Variants in ALK observed in about 807,000 individuals in gnomAD.
ALK encodes ALK tyrosine kinase receptor.
Under a neutral mutation model 163.1 loss-of-function variants are expected in ALK, and 74 were observed. The observed-to-expected ratio is 0.45, with a 90% CI of 0.38 to 0.55. The LOEUF (loss-of-function observed/expected upper bound fraction) is 0.55, where lower values mean the gene tolerates loss of function less well. Ranked by LOEUF, ALK falls within the 20% of genes least tolerant of loss-of-function variation. The probability of loss-of-function intolerance (pLI) is 0.00; values close to 1 mark genes in which losing one functional copy is unlikely to be tolerated. For synonymous variants in ALK, 960 were observed against 843.2 expected (o/e 1.14, Z -2.40); for missense variants, 2,063 against 2,105.3 (o/e 0.98, Z 0.39).
At chr2:29,888,334 C>A (rs564276656) in intron 1 of ALK, among the ~76,000 whole-genome samples, 2 of 148,394 alleles carry the variant, frequency 1.3e-5, no homozygotes, top group African/African-American at 5.0e-5. Flanking sequence ...TACTTGCTTA[C>A]TTAAGGAATG....
At chr2:29,583,034 T>TGTTTTTC (rs1491121115) in intron 3 of ALK, among the ~76,000 whole-genome samples, 10 of 94,060 alleles carry the variant, frequency 1.1e-4, no homozygotes, top group African/African-American at 3.9e-4. Flanking sequence ...GGCTAACTTT[T>TGTTTTTC]GTTTTTTGTT....
At chr2:29,233,875 C>T (rs796675253) in intron 13 of ALK, among the ~76,000 whole-genome samples, 179 bp from the exon 14 acceptor site, 3 of 152,246 alleles carry the variant, frequency 2.0e-5, no homozygotes, top group African/African-American at 7.2e-5. Context: ...AGGGAAGGAC[C>T]ACAAGGATAG....
At chr2:29,203,487 T>TTTTTTC (rs1669234144) in intron 26 of ALK, among the ~76,000 whole-genome samples, 1 of 62,166 alleles carries the variant, frequency 1.6e-5, no homozygotes, top group African/African-American at 5.7e-5. Flanking sequence ...GGATGTGCCT[T>TTTTTTC]TTTTTTTTTT....
At chr2:29,778,189 A>G (rs1185022536) in intron 1 of ALK, among the ~76,000 whole-genome samples, 1 of 152,184 alleles carries the variant, frequency 6.6e-6, no homozygotes, top group African/African-American at 2.4e-5. Flanking sequence ...AGGAAACACA[A>G]AGGCATTAGG....
intron 4 of ALK, among the ~76,000 whole-genome samples, chr2:29,397,203 G>A (rs1034864164): frequency 3.3e-5 from 5 of 152,076 alleles, no homozygotes; most frequent in African/African-American, 1.2e-4. Context: ...TCATTAGGGT[G>A]GGCACCCATC....
chr2:29,237,290 T>C (rs1485093299), intron 13 of ALK, among the ~76,000 whole-genome samples: 2 of 152,250 alleles, frequency 1.3e-5, no homozygotes, highest in South Asian at 2.1e-4. Context: ...GATTCTTCTA[T>C]GGTAGATTCT....
intron 1 of ALK, among the ~76,000 whole-genome samples, chr2:29,797,004 AC>A (rs1664332365): frequency 4.1e-5 from 6 of 145,560 alleles, no homozygotes; most frequent in African/African-American, 1.5e-4. Context: ...GCACACCCAC[AC>A]ACACACACAC....
chr2:29,657,987 C>G (rs1289541382), intron 3 of ALK, among the ~76,000 whole-genome samples: 1 of 152,062 alleles, frequency 6.6e-6, no homozygotes, highest in East Asian at 1.9e-4. Context: ...AACTGAACAG[C>G]TGGAGGGATG....
Position 29,537,728 on chromosome 2 carries a change from C to T in ALK, c.953-5612G>A, listed in dbSNP as rs144493899. On this transcript the variant is annotated intron_variant, in intron 3 of 28. Coordinates refer to ENST00000389048, the MANE Select transcript of ALK (RefSeq NM_004304.5). ...GCAGCTAGACACTGGCAGCTTGAAG[C>T]CTCAGCATGGAAAAGCTGCAGACAC... 3.2e-3 allele frequency among the ~76,000 whole-genome samples: 480 copies of T among 152,342 alleles called. 2 individuals carry two copies. Among genetic ancestry groups the T allele is most frequent in the African/African-American group, 0.011 (442 of 41,582 alleles).
At chr2:29,333,436 C>CA (rs1667512098) in intron 5 of ALK, among the ~76,000 whole-genome samples, 1 of 152,038 alleles carries the variant, frequency 6.6e-6, no homozygotes, top group African/African-American at 2.4e-5. Context: ...ACATTACTAG[C>CA]TTTTTTTTCT....
chr2:29,281,176 G>A (rs892283192), intron 9 of ALK, among the ~76,000 whole-genome samples: 1 of 152,208 alleles, frequency 6.6e-6, no homozygotes, highest in African/African-American at 2.4e-5. Flanking sequence ...AGCCACCCTG[G>A]GTTTGGCTGA....
intron 1 of ALK, among the ~76,000 whole-genome samples, chr2:29,780,991 C>T (rs1241156166): frequency 5.3e-5 from 8 of 152,196 alleles, no homozygotes; most frequent in Non-Finnish European, 2.9e-5. Flanking sequence ...GAAAGAACTA[C>T]CCTGGGCTTC....
chr2:29,671,461 C>T (rs1478840581), intron 3 of ALK, among the ~76,000 whole-genome samples: 1 of 152,046 alleles, frequency 6.6e-6, no homozygotes, highest in Non-Finnish European at 1.5e-5. Context: ...TATGCCCATC[C>T]TTAGGGATAT....
In ALK at chr2:29,435,263, C is replaced by T. The variant is rs146711984; in HGVS notation, c.1155-51404G>A. 3.7e-3 allele frequency among the ~76,000 whole-genome samples: 568 copies of T among 152,194 alleles called. 3 individuals carry two copies. Among genetic ancestry groups the T allele is most frequent in the African/African-American group, 0.013 (539 of 41,524 alleles). ...TGGCAAGTATTTAAATAATTAAATT[C>T]CCCAGGAACCATGAACCCTCCTACT... On this transcript the variant is annotated intron_variant, in intron 4 of 28. Transcript: ENST00000389048.
At chr2:29,612,039 G>C (rs113279561) in intron 3 of ALK, among the ~76,000 whole-genome samples, 2,744 of 152,218 alleles carry the variant, frequency 0.018, 72 homozygotes, top group African/African-American at 0.062. Context: ...AACAGATCCA[G>C]ACAGGGTGAC....
At chr2:29,359,638 C>T (rs1241133876) in intron 5 of ALK, among the ~76,000 whole-genome samples, 1 of 152,166 alleles carries the variant, frequency 6.6e-6, no homozygotes, top group East Asian at 1.9e-4. Context: ...GATCAATAGA[C>T]ACTCTAGCTG....
intron 12 of ALK, among the ~76,000 whole-genome samples, chr2:29,240,152 C>CAGAGAGAGGGAGAG (rs142234574): frequency 4.5e-4 from 64 of 143,410 alleles, no homozygotes; most frequent in African/African-American, 1.5e-3. Context: ...AGGGAAACAG[C>CAGAGAGAGGGAGAG]AGAGAGAGAG....
chr2:29,405,116 G>A (rs905823645), intron 4 of ALK, among the ~76,000 whole-genome samples: 4 of 152,170 alleles, frequency 2.6e-5, no homozygotes, highest in South Asian at 4.1e-4. Flanking sequence ...TTTAAATGAC[G>A]TGACTCTGGG....
At position 29,557,168 on chromosome 2, in the gene ALK, A is replaced by ATTTT. The variant is rs1673885687; in HGVS notation, c.953-25053_953-25052insAAAA. On this transcript the variant is annotated intron_variant, in intron 3 of 28. Transcript: ENST00000389048. The stretch of plus-strand genomic sequence containing the variant: ...GATAGATGAAAAAAGCAAATGCAAC[A>ATTTT]ATTTTTAATGGAAAAAATAAAAGAA... 1.4e-4 allele frequency among the ~76,000 whole-genome samples: 22 copies of ATTTT among 152,306 alleles called. No homozygotes were observed. The South Asian group carries it at 4.4e-3, about 30-fold the overall frequency.
Sources: allele counts gnomAD v4.1 joint callset (sites outside exome capture counted in the v4.1 genomes callset), GRCh38; gene constraint gnomAD v4.1.1; transcripts MANE v1.5; gene names NCBI Gene and HGNC (gene_info 2026-07-23, HGNC 2026-07-21).